RBCK1: variants seen among roughly 807,000 people sequenced by gnomAD.
RBCK1 encodes the protein ranBP-type and C3HC4-type zinc finger-containing protein 1.
A neutral mutation model predicts 71.1 loss-of-function variants in RBCK1; 44 were observed. The observed-to-expected ratio is 0.62, with a 90% CI of 0.49 to 0.80. The LOEUF (loss-of-function observed/expected upper bound fraction) is 0.80. Ranked by LOEUF, RBCK1 falls within the 30% of genes least tolerant of loss-of-function variation. RBCK1 has a pLI of 0.00. For missense variants in RBCK1, 569 were observed against 685.0 expected (o/e 0.83, Z 1.89); for synonymous variants, 306 against 279.7 (o/e 1.09, Z -0.94).
chr20:421,354 T>C (rs1254667324), intron 7 of RBCK1, among the ~76,000 whole-genome samples: 1 of 152,076 alleles, frequency 6.6e-6, no homozygotes, highest in African/African-American at 2.4e-5. Context: ...CATCTGCCAG[T>C]TTCTGAGTCT....
rs548076519 is a variant in RBCK1, at chr20:430,161, C to T, written c.1453-189C>T. Among the ~76,000 whole-genome samples, 2 of 152,274 alleles carry T rather than the reference C, an allele frequency of 1.3e-5. No individual in the cohort carries two copies. Among genetic ancestry groups the T allele is most frequent in the East Asian group, 3.9e-4 (2 of 5,180 alleles). Reference sequence around the variant, plus strand: ...TCCCTGGCCTGTTCCCGGATCTAGGCGTGGGTAGACTGAGTGCTGTGGGAG... The same window carrying T: ...TCCCTGGCCTGTTCCCGGATCTAGGTGTGGGTAGACTGAGTGCTGTGGGAG... On this transcript the variant is annotated intron_variant, in intron 11 of 11. Transcript: ENST00000356286. This position sits in a 1 kb window ranked among gnomAD's most constrained non-coding sequence, Gnocchi z 5.6.
chr20:419,411 C>T lies in RBCK1; in HGVS notation c.525C>T (p.Pro175=), dbSNP rs756013920. Residue 175 remains proline (P), a synonymous_variant, in exon 5 of 12, where the codon CCC becomes CCT. Transcript: ENST00000356286. The part of the protein sequence containing the change: ...RGPLEPGPPK[P]GVPQEPGRGQ... ...CTCTGGAGCCAGGCCCCCCAAAGCC[C>T]GGGGTCCCCCAGGAACCCGGACGGG... 21 of 1,610,460 alleles carry T rather than the reference C, an allele frequency of 1.3e-5. No homozygotes were observed. The highest frequency in any genetic ancestry group is 1.7e-5 in the Non-Finnish European group (20 of 1,178,830).
At position 418,641 on chromosome 20, in the gene RBCK1, T is replaced by C. The variant is rs538873682; in HGVS notation, c.461-706T>C. The stretch of plus-strand genomic sequence containing the variant: ...CCTCGGCCTCCCAAAGTGCTGGGAT[T>C]ACAGGCGTGAGCCACCACGCCCAAC... On this transcript the variant is annotated intron_variant, in intron 4 of 11. Coordinates refer to ENST00000356286, the MANE Select transcript of RBCK1 (RefSeq NM_031229.4). Among the ~76,000 whole-genome samples, 148 of 152,362 alleles carry C rather than the reference T, an allele frequency of 9.7e-4. 1 individual carries two copies. Among genetic ancestry groups the C allele is most frequent in the Admixed American group, 2.5e-3 (38 of 15,306 alleles).
intron 6 of RBCK1, chr20:420,097 G>A (rs2016291860): frequency 2.0e-6 from 2 of 984,186 alleles, no homozygotes; most frequent in African/African-American, 3.5e-5. Flanking sequence ...ACCTCAGCTC[G>A]GACCTCACCC....
intron 1 of RBCK1, 85 bp downstream of exon 1, chr20:408,864 C>T: frequency 6.7e-7 from 1 of 1,497,696 alleles, no homozygotes; most frequent in Non-Finnish European, 9.1e-7. Flanking sequence ...CCAGAAGGGC[C>T]TTGGAGAGGG....
intron 2 of RBCK1, among the ~76,000 whole-genome samples, chr20:415,182 C>T (rs2015916053): frequency 6.6e-6 from 1 of 152,080 alleles, no homozygotes; most frequent in East Asian, 1.9e-4. Flanking sequence ...TCAAAACCAG[C>T]CTGGGCAACA....
chr20:420,498 C>G (rs2016324799), intron 6 of RBCK1: 2 of 984,550 alleles, frequency 2.0e-6, no homozygotes, highest in East Asian at 1.2e-4. Flanking sequence ...GGGCCCTGCC[C>G]TGCTACCTGA....
Position 425,626 on chromosome 20 carries a change from C to CTT in RBCK1, c.1030-1670_1030-1669dup, listed in dbSNP as rs66583727. ...CAAGGAATGTTTTGCATGGTGTATT[C>CTT]TTTTTTTTTTTTTTTTTTGAGACGA... On this transcript the variant is annotated intron_variant, in intron 8 of 11. Coordinates refer to ENST00000356286, the MANE Select transcript of RBCK1 (RefSeq NM_031229.4). Among the ~76,000 whole-genome samples the CTT allele has an allele frequency of 4.9e-3, 604 of 123,268 alleles. 8 individuals are homozygous for CTT. Among genetic ancestry groups the CTT allele is most frequent in the African/African-American group, 0.015 (510 of 34,528 alleles). The allele number at this position is 123,268 out of a possible 152,430, so 80.9% of individuals were successfully genotyped here.
intron 8 of RBCK1, among the ~76,000 whole-genome samples, chr20:425,410 C>T (rs997367155): frequency 6.6e-6 from 1 of 152,178 alleles, no homozygotes; most frequent in Admixed American, 6.5e-5. Flanking sequence ...ACAAATGTAA[C>T]TCTCGTAACC....
intron 1 of RBCK1, 186 bp from the exon 2 acceptor site, chr20:409,695 G>A (rs1373850940): frequency 2.4e-5 from 19 of 796,318 alleles, no homozygotes; most frequent in Non-Finnish European, 3.5e-5. Context: ...AGGAGGAGTG[G>A]GGAATATTAG....
intron 1 of RBCK1, 89 bp downstream of exon 1, chr20:408,868 G>A: frequency 1.4e-6 from 2 of 1,479,952 alleles, no homozygotes; most frequent in South Asian, 2.4e-5. Context: ...AAGGGCCTTG[G>A]AGAGGGGGCT....
chr20:420,828 C>T, intron 6 of RBCK1, 43 bp from the exon 7 acceptor site: 1 of 1,527,388 alleles, frequency 6.5e-7, no homozygotes, highest in South Asian at 1.2e-5. Context: ...TGACCCGCCC[C>T]CGAGGCCCTG....
In RBCK1 at chr20:431,685, G is replaced by C. The variant is rs1457005871; in HGVS notation, c.*1255G>C. The stretch of plus-strand genomic sequence containing the variant: ...CGTTGGATGCCAGGACTCAAGAGCT[G>C]GCCCCAGTCACTGTGCGCAGAGCTG... On this transcript the variant is annotated 3_prime_UTR_variant, in exon 12 of 12. Transcript: ENST00000356286. This position sits in a 1 kb window ranked among gnomAD's most constrained non-coding sequence, Gnocchi z 4.8. Among the ~76,000 whole-genome samples, 1 of 152,230 alleles carries C rather than the reference G, an allele frequency of 6.6e-6. No homozygotes were observed. Among genetic ancestry groups the C allele is most frequent in the African/African-American group, 2.4e-5 (1 of 41,458 alleles).
At position 431,332 on chromosome 20, in the gene RBCK1, C is replaced by G. The variant is rs1414667156; in HGVS notation, c.*902C>G. Among the ~76,000 whole-genome samples, 1 of 152,086 alleles carries G rather than the reference C, an allele frequency of 6.6e-6. No homozygotes were observed. Among genetic ancestry groups the G allele is most frequent in the Non-Finnish European group, 1.5e-5 (1 of 68,016 alleles). ...GATAGTTCAAGAAGGAACGAAGCTG[C>G]TGCAGTTGAGGGGTGGGGTTGTCCA... is the stretch of plus-strand genomic sequence containing the variant. On this transcript the variant is annotated 3_prime_UTR_variant, in exon 12 of 12. Coordinates refer to ENST00000356286, the MANE Select transcript of RBCK1 (RefSeq NM_031229.4). This position sits in a 1 kb window ranked among gnomAD's most constrained non-coding sequence, Gnocchi z 4.8.
chr20:410,486 C>T (rs757387219), intron 2 of RBCK1: 1 of 779,770 alleles, frequency 1.3e-6, no homozygotes, highest in Non-Finnish European at 2.4e-6. Flanking sequence ...AGAAAGACAC[C>T]CCTCCACACT....
rs764058033 is a variant in RBCK1, at chr20:417,362, G to T, written c.168-164G>T. 1.3e-6 allele frequency: 1 copy of T among 755,596 alleles called. No homozygotes were observed. Among genetic ancestry groups the T allele is most frequent in the African/African-American group, 1.7e-5 (1 of 58,562 alleles). 46.8% of individuals were successfully genotyped at this position (755,596 alleles called of 1,614,324 possible). ...TAACTGGTGGGTTCTAATAAAGGAA[G>T]AAGCATGGGTGGGGCCTACCCCAGA... On this transcript the variant is annotated intron_variant, in intron 2 of 11. Transcript: ENST00000356286. The surrounding 1 kb of genome is among the most constrained non-coding windows in gnomAD (Gnocchi z 4.7).
chr20:419,395 C>A lies in RBCK1; in HGVS notation c.509C>A (p.Pro170Gln). Reference sequence around the variant, plus strand: ...CTGCAGCCGCGGGGCCCTCTGGAGCCAGGCCCCCCAAAGCCCGGGGTCCCC... The same window carrying A: ...CTGCAGCCGCGGGGCCCTCTGGAGCAAGGCCCCCCAAAGCCCGGGGTCCCC... The part of the protein sequence containing the change: ...LTLQPRGPLE[P>Q]GPPKPGVPQE... Residue 170 changes from proline (P) to glutamine (Q), a missense_variant, in exon 5 of 12, where the codon CCA (proline) becomes CAA (glutamine). Physicochemically the swap from Pro to Gln is moderately conservative, Grantham distance 76 (BLOSUM62 -1). Around this residue, in one of 2 missense-constraint regions of RBCK1, gnomAD observed 358 missense variants for 375.6 expected, o/e 0.95. Coordinates refer to ENST00000356286, the MANE Select transcript of RBCK1 (RefSeq NM_031229.4). The A allele has an allele frequency of 1.2e-6, 2 of 1,612,360 alleles. No homozygotes were observed. Among genetic ancestry groups the A allele is most frequent in the Non-Finnish European group, 1.7e-6 (2 of 1,179,610 alleles).
intron 8 of RBCK1, among the ~76,000 whole-genome samples, chr20:425,623 A>ATTTTTTTTTTTT (rs200677519): frequency 3.1e-5 from 4 of 130,066 alleles, no homozygotes; most frequent in African/African-American, 2.9e-5. Flanking sequence ...TGCATGGTGT[A>ATTTTTTTTTTTT]TTCTTTTTTT....
In RBCK1 at chr20:417,089, A is replaced by G. The variant is rs779832262; in HGVS notation, c.168-437A>G. ...GAACCTATCTGTGCCTCACATTTTT[A>G]TCTGTAAAACAGGGATACAGCAGTA... On this transcript the variant is annotated intron_variant, in intron 2 of 11. Transcript: ENST00000356286. The surrounding 1 kb of genome is among the most constrained non-coding windows in gnomAD (Gnocchi z 4.7). 9.3e-5 allele frequency: 38 copies of G among 409,428 alleles called. No homozygotes were observed. The highest frequency in any genetic ancestry group is 1.6e-4 in the Non-Finnish European group (32 of 196,442). 25.4% of individuals were successfully genotyped at this position (409,428 alleles called of 1,614,324 possible).
Sources: gnomAD v4.1 joint callset for allele counts (sites outside exome capture counted in the v4.1 genomes callset) on GRCh38, gnomAD v4.1.1 for gene constraint, gnomAD v4.1.1 regional missense constraint, Gnocchi (gnomAD v3.1) non-coding constraint, MANE v1.5 for transcripts, NCBI Gene and HGNC (gene_info 2026-07-23, HGNC 2026-07-21) for gene names.